Variants in MEIS2 observed in about 807,000 individuals in gnomAD.
MEIS2 encodes the protein Meis homeobox 2.
A neutral mutation model predicts 58.6 loss-of-function variants in MEIS2; 9 were observed. The observed-to-expected ratio is 0.15, with a 90% CI of 0.09 to 0.27. The LOEUF (loss-of-function observed/expected upper bound fraction) is 0.27, where lower values mean the gene tolerates loss of function less well. MEIS2 is among the 10% of genes least tolerant of loss of function. The probability of loss-of-function intolerance (pLI) is 1.00; values close to 1 mark genes in which losing one functional copy is unlikely to be tolerated. For synonymous variants in MEIS2, 221 were observed against 228.4 expected (o/e 0.97, Z 0.29); for missense variants, 427 against 635.0 (o/e 0.67, Z 3.52).
intron 8 of MEIS2, among the ~76,000 whole-genome samples, chr15:36,957,679 T>C (rs1304545189): frequency 1.3e-5 from 2 of 152,232 alleles, no homozygotes; most frequent in Non-Finnish European, 2.9e-5. Flanking sequence ...CTGCAAATCA[T>C]TTGAGGGCAG....
chr15:36,967,781 CCATT>C, intron 8 of MEIS2, among the ~76,000 whole-genome samples: 1 of 152,318 alleles, frequency 6.6e-6, no homozygotes, highest in East Asian at 1.9e-4. Context: ...CAAAATCTCA[CCATT>C]CTTTCTCTCC....
At chr15:36,997,722 C>T (rs1282939517) in intron 8 of MEIS2, among the ~76,000 whole-genome samples, 1 of 152,156 alleles carries the variant, frequency 6.6e-6, no homozygotes, top group Non-Finnish European at 1.5e-5. Context: ...ACCTAGTGAT[C>T]TGTCCGCTTT....
At chr15:36,982,856 G>A (rs1203182350) in intron 8 of MEIS2, among the ~76,000 whole-genome samples, 1 of 152,028 alleles carries the variant, frequency 6.6e-6, no homozygotes, top group Non-Finnish European at 1.5e-5. Flanking sequence ...CAGGTGTGAG[G>A]TAGTATCTCA....
chr15:36,993,063 G>A (rs1230980138), intron 8 of MEIS2, among the ~76,000 whole-genome samples: 2 of 152,076 alleles, frequency 1.3e-5, no homozygotes, highest in Admixed American at 6.6e-5. Flanking sequence ...TTGTTACACA[G>A]TCATTTTATC....
At chr15:36,932,505 C>A (rs28473290) in intron 9 of MEIS2, among the ~76,000 whole-genome samples, 1,670 of 152,054 alleles carry the variant, frequency 0.011, 24 homozygotes, top group Non-Finnish European at 0.013. Context: ...TGATTATGGT[C>A]TTTTTTTAAG....
At chr15:37,024,152 C>T (rs2061623306) in intron 8 of MEIS2, among the ~76,000 whole-genome samples, 1 of 152,176 alleles carries the variant, frequency 6.6e-6, no homozygotes. Flanking sequence ...CCCGCCTCGG[C>T]CTCCCAAAGT....
chr15:37,017,500 A>T (rs1388546206), intron 8 of MEIS2, among the ~76,000 whole-genome samples: 1 of 152,216 alleles, frequency 6.6e-6, no homozygotes, highest in African/African-American at 2.4e-5. Flanking sequence ...AGTCCCAGCT[A>T]CTTGGAAGGC....
chr15:36,957,641 G>A (rs1238388499), intron 8 of MEIS2, among the ~76,000 whole-genome samples: 1 of 152,144 alleles, frequency 6.6e-6, no homozygotes, highest in Non-Finnish European at 1.5e-5. Context: ...ATGTATACAT[G>A]TGCACCTGTG....
chr15:36,908,113 A>G (rs908544560), intron 9 of MEIS2, among the ~76,000 whole-genome samples: 3 of 152,212 alleles, frequency 2.0e-5, no homozygotes, highest in Non-Finnish European at 4.4e-5. Flanking sequence ...TGATGTTCAC[A>G]TATCAAAGAC....
intron 7 of MEIS2, among the ~76,000 whole-genome samples, chr15:37,067,700 C>A (rs558499167): frequency 2.6e-5 from 4 of 152,206 alleles, no homozygotes; most frequent in South Asian, 4.1e-4. Context: ...AGATTTGAAG[C>A]CTTTTCCTGA....
intron 7 of MEIS2, among the ~76,000 whole-genome samples, chr15:37,044,712 C>G (rs143819647): frequency 1.7e-4 from 26 of 152,298 alleles, no homozygotes; most frequent in African/African-American, 6.0e-4. Flanking sequence ...ATTAACAGAG[C>G]TAGTGTGCTA....
At chr15:36,961,636 G>A (rs1248480889) in intron 8 of MEIS2, among the ~76,000 whole-genome samples, 1 of 151,510 alleles carries the variant, frequency 6.6e-6, no homozygotes, top group South Asian at 2.1e-4. Flanking sequence ...TTCCTAATTT[G>A]GACAAAAAAA....
intron 8 of MEIS2, among the ~76,000 whole-genome samples, chr15:36,979,090 CT>C (rs1391789177): frequency 6.6e-6 from 1 of 152,136 alleles, no homozygotes; most frequent in East Asian, 1.9e-4. Context: ...CAATTTGAAA[CT>C]TTTTGAGCAC....
intron 7 of MEIS2, among the ~76,000 whole-genome samples, chr15:37,066,845 T>C (rs796178791): frequency 3.8e-4 from 57 of 149,668 alleles, no homozygotes; most frequent in African/African-American, 1.3e-3. Context: ...GGTGTGATCA[T>C]AGCTCATAGC....
At chr15:37,036,291 T>G (rs2062148836) in intron 8 of MEIS2, 1 of 152,194 alleles carries the variant, frequency 6.6e-6, no homozygotes, top group African/African-American at 2.4e-5. Flanking sequence ...CTATAACCCT[T>G]CTGAATTTGT....
intron 8 of MEIS2, among the ~76,000 whole-genome samples, chr15:36,968,706 T>C (rs2059433934): frequency 6.6e-6 from 1 of 152,222 alleles, no homozygotes; most frequent in African/African-American, 2.4e-5. Flanking sequence ...TAAAAGCAAT[T>C]CACTTGTGCA....
At chr15:36,937,000 C>T (rs1193429324) in intron 9 of MEIS2, among the ~76,000 whole-genome samples, 1 of 152,164 alleles carries the variant, frequency 6.6e-6, no homozygotes, top group Non-Finnish European at 1.5e-5. Flanking sequence ...TGAACTTTGG[C>T]AATAACAATA....
rs1450281230 is a variant in MEIS2, at chr15:36,995,982, T to C, written c.900+40832A>G. Among the ~76,000 whole-genome samples the C allele has an allele frequency of 6.6e-3, 495 of 75,372 alleles. 7 individuals carry two copies. The highest frequency in any genetic ancestry group is 0.018 in the African/African-American group (474 of 26,226). 49.4% of individuals were successfully genotyped at this position (75,372 alleles called of 152,430 possible). A position where few individuals can be genotyped will look rare whatever the true frequency, so the allele number is the denominator to read the frequency against. ...ATATATATATATATATATATATATA[T>C]ATATATATATATATATATATGTATA... On this transcript the variant is annotated intron_variant, in intron 8 of 11. Coordinates refer to ENST00000561208, the MANE Select transcript of MEIS2 (RefSeq NM_170675.5).
At chr15:36,928,588 T>C (rs1239437325) in intron 9 of MEIS2, among the ~76,000 whole-genome samples, 1 of 152,240 alleles carries the variant, frequency 6.6e-6, no homozygotes, top group Non-Finnish European at 1.5e-5. Context: ...TGTGTGTGTA[T>C]GCAAACTATT....
Sources: allele counts gnomAD v4.1 joint callset (sites outside exome capture counted in the v4.1 genomes callset), GRCh38; gene constraint gnomAD v4.1.1; transcripts MANE v1.5; gene names NCBI Gene and HGNC (gene_info 2026-07-23, HGNC 2026-07-21).